ERBB4: variants seen among roughly 807,000 people sequenced by gnomAD.
ERBB4 encodes receptor tyrosine-protein kinase erbB-4.
Under a neutral mutation model 158.0 loss-of-function variants are expected in ERBB4, and 42 were observed. That is an observed-to-expected ratio of 0.27 (90% CI 0.21 to 0.34). ERBB4 has a LOEUF of 0.34. Among genes scored for constraint, ERBB4 ranks in the 10% least tolerant of loss-of-function variants. ERBB4 has a pLI of 1.00. For synonymous variants in ERBB4, 583 were observed against 558.7 expected (o/e 1.04, Z -0.61); for missense variants, 1,333 against 1,624.1 (o/e 0.82, Z 3.08).
intron 3 of ERBB4, among the ~76,000 whole-genome samples, chr2:211,944,741 G>A (rs2080630615): frequency 1.3e-5 from 2 of 152,194 alleles, no homozygotes; most frequent in Middle Eastern, 3.4e-3. Flanking sequence ...AACATCACTA[G>A]AGGGATACTT....
At chr2:212,054,932 G>A (rs576918667) in intron 2 of ERBB4, among the ~76,000 whole-genome samples, 1 of 152,266 alleles carries the variant, frequency 6.6e-6, no homozygotes, top group African/African-American at 2.4e-5. Flanking sequence ...TCATCTCACT[G>A]GGGCTTGTAG....
chr2:212,098,368 T>C (rs900029043), intron 2 of ERBB4, among the ~76,000 whole-genome samples: 1 of 152,210 alleles, frequency 6.6e-6, no homozygotes, highest in Non-Finnish European at 1.5e-5. Flanking sequence ...GGAAAGGCAG[T>C]GAGGCCAGAT....
intron 1 of ERBB4, among the ~76,000 whole-genome samples, chr2:212,145,553 T>C (rs2080637042): frequency 6.6e-6 from 1 of 152,088 alleles, no homozygotes; most frequent in African/African-American, 2.4e-5. Context: ...CATATTGCTA[T>C]TCAGACTTCC....
At chr2:211,484,097 T>G (rs1326009295) in intron 20 of ERBB4, among the ~76,000 whole-genome samples, 1 of 152,072 alleles carries the variant, frequency 6.6e-6, no homozygotes, top group African/African-American at 2.4e-5. Context: ...GAAATACCAC[T>G]TAAAGATAGA....
intron 20 of ERBB4, among the ~76,000 whole-genome samples, chr2:211,476,368 G>C (rs557535007): frequency 1.3e-5 from 2 of 152,184 alleles, no homozygotes; most frequent in East Asian, 3.9e-4. Context: ...AGACAAAAGA[G>C]AATCACTGGG....
intron 1 of ERBB4, among the ~76,000 whole-genome samples, chr2:212,530,327 C>T (rs561157145): frequency 6.6e-6 from 1 of 152,046 alleles, no homozygotes; most frequent in Non-Finnish European, 1.5e-5. Flanking sequence ...AAAAGGAATT[C>T]CTGAAAATGA....
intron 1 of ERBB4, among the ~76,000 whole-genome samples, chr2:212,456,634 T>C (rs1688301980): frequency 6.6e-6 from 1 of 151,988 alleles, no homozygotes; most frequent in South Asian, 2.1e-4. Flanking sequence ...CTAGGAGTTT[T>C]TAAATGTAGA....
At chr2:212,120,382 A>G (rs1231574968) in intron 2 of ERBB4, among the ~76,000 whole-genome samples, 1 of 152,206 alleles carries the variant, frequency 6.6e-6, no homozygotes, top group East Asian at 1.9e-4. Context: ...AAATAACATG[A>G]CTCACATGTT....
intron 20 of ERBB4, among the ~76,000 whole-genome samples, chr2:211,515,442 T>TTCTTGC (rs2065997104): frequency 6.6e-6 from 1 of 152,116 alleles, no homozygotes; most frequent in Non-Finnish European, 1.5e-5. Context: ...GAAATCTTAT[T>TTCTTGC]AATTCCAGAT....
At chr2:211,546,500 C>T (rs1027230199) in intron 20 of ERBB4, among the ~76,000 whole-genome samples, 1 of 152,026 alleles carries the variant, frequency 6.6e-6, no homozygotes, top group African/African-American at 2.4e-5. Flanking sequence ...CATTATTAAC[C>T]TAAGTTTCCT....
At chr2:212,261,707 A>T (rs1049652649) in intron 1 of ERBB4, among the ~76,000 whole-genome samples, 5 of 152,122 alleles carry the variant, frequency 3.3e-5, no homozygotes. Flanking sequence ...GATGGGTAAT[A>T]ATATAAAGGA....
chr2:212,065,025 GTGT>G (rs1559426299), intron 2 of ERBB4, among the ~76,000 whole-genome samples: 33 of 144,034 alleles, frequency 2.3e-4, no homozygotes, highest in African/African-American at 6.9e-4. Flanking sequence ...GTGTGTGTGT[GTGT>G]TGTGTGTGTG....
At chr2:212,478,936 C>A (rs530494475) in intron 1 of ERBB4, among the ~76,000 whole-genome samples, 1 of 152,134 alleles carries the variant, frequency 6.6e-6, no homozygotes, top group Admixed American at 6.6e-5. Flanking sequence ...TCCCACTTTT[C>A]CTACATTCTC....
At chr2:211,694,109 T>C (rs1031686603) in intron 12 of ERBB4, among the ~76,000 whole-genome samples, 2 of 152,210 alleles carry the variant, frequency 1.3e-5, no homozygotes, top group Non-Finnish European at 1.5e-5. Context: ...TCATTTTAAC[T>C]ACTTGTGCAA....
At chr2:211,874,651 G>A (rs1010617304) in intron 3 of ERBB4, among the ~76,000 whole-genome samples, 4 of 152,088 alleles carry the variant, frequency 2.6e-5, no homozygotes, top group Non-Finnish European at 5.9e-5. Context: ...CTTATGGCAG[G>A]TGGAGTTCTT....
intron 3 of ERBB4, among the ~76,000 whole-genome samples, chr2:211,932,203 C>A (rs986958918): frequency 1.3e-5 from 2 of 151,934 alleles, no homozygotes; most frequent in East Asian, 1.9e-4. Context: ...AATTCTCAGG[C>A]CAAATTTAAA....
intron 3 of ERBB4, among the ~76,000 whole-genome samples, chr2:211,939,743 C>A (rs986868103): frequency 6.6e-6 from 1 of 151,960 alleles, no homozygotes; most frequent in African/African-American, 2.4e-5. Flanking sequence ...GTCAGGAGAT[C>A]GAGACCATCC....
intron 12 of ERBB4, among the ~76,000 whole-genome samples, chr2:211,686,447 T>C (rs2072566630): frequency 6.6e-6 from 1 of 152,232 alleles, no homozygotes; most frequent in African/African-American, 2.4e-5. Flanking sequence ...TGGAATAAAC[T>C]CATTTGGTTA....
intron 2 of ERBB4, among the ~76,000 whole-genome samples, chr2:212,064,045 A>T (rs1559423954): frequency 6.6e-6 from 1 of 152,130 alleles, no homozygotes; most frequent in East Asian, 1.9e-4. Flanking sequence ...AGGAGCAGAA[A>T]AATCTTTCCC....
Sources: allele counts gnomAD v4.1 joint callset (sites outside exome capture counted in the v4.1 genomes callset), GRCh38; gene constraint gnomAD v4.1.1; transcripts MANE v1.5; gene names NCBI Gene and HGNC (gene_info 2026-07-23, HGNC 2026-07-21).